NUMA1: variants seen among roughly 807,000 people sequenced by gnomAD.
NUMA1 encodes the protein SP-H antigen.
Under a neutral mutation model 237.1 loss-of-function variants are expected in NUMA1, and 62 were observed. That is an observed-to-expected ratio of 0.26 (90% confidence interval 0.21 to 0.32). The LOEUF (loss-of-function observed/expected upper bound fraction) is 0.32, where lower values mean the gene tolerates loss of function less well. Among genes scored for constraint, NUMA1 ranks in the 10% least tolerant of loss-of-function variants. The probability of loss-of-function intolerance (pLI) is 1.00; values close to 1 mark genes in which losing one functional copy is unlikely to be tolerated. For missense variants in NUMA1, 2,533 were observed against 2,666.5 expected (o/e 0.95, Z 1.10); for synonymous variants, 1,028 against 1,066.1 (o/e 0.96, Z 0.70).
chr11:72,050,427 A>T (rs76496794), intron 2 of NUMA1, among the ~76,000 whole-genome samples: 1 of 152,346 alleles, frequency 6.6e-6, no homozygotes, highest in African/African-American at 2.4e-5. Context: ...TAGCCTCAAG[A>T]ACCAACTTGT....
chr11:72,007,616 T>C, intron 20 of NUMA1, 181 bp from the exon 21 acceptor site: 1 of 719,884 alleles, frequency 1.4e-6, no homozygotes, highest in South Asian at 1.6e-5. Flanking sequence ...TTCAGTCCAC[T>C]CCCCTGGCTT....
chr11:72,079,770 CTT>C (rs1432644530), intron 1 of NUMA1, among the ~76,000 whole-genome samples: 3 of 144,842 alleles, frequency 2.1e-5, no homozygotes, highest in South Asian at 2.2e-4. Flanking sequence ...AAAAAAAAGA[CTT>C]AACCTGTTTT....
chr11:72,063,371 G>A (rs765887161), intron 2 of NUMA1, among the ~76,000 whole-genome samples: 6 of 152,064 alleles, frequency 3.9e-5, no homozygotes, highest in Non-Finnish European at 7.4e-5. Context: ...GTGACAGAGT[G>A]AGACCCTGTC....
intron 2 of NUMA1, among the ~76,000 whole-genome samples, chr11:72,055,815 T>A (rs1303474987): frequency 2.8e-5 from 4 of 143,570 alleles, no homozygotes; most frequent in Non-Finnish European, 6.1e-5. Flanking sequence ...CCCCCATCTC[T>A]CAAAAAAAAA....
At chr11:72,030,273 C>G (rs763516963) in intron 3 of NUMA1, among the ~76,000 whole-genome samples, 2 of 149,444 alleles carry the variant, frequency 1.3e-5, no homozygotes, top group African/African-American at 4.9e-5. Context: ...GAGGTCGAGG[C>G]TGCAGTGAGC....
chr11:72,008,063 A>C (rs1396658582), intron 20 of NUMA1: 1 of 470,690 alleles, frequency 2.1e-6, no homozygotes, highest in Non-Finnish European at 4.2e-6. Context: ...CCCCAGATTC[A>C]TCTGTTAAAG....
intron 2 of NUMA1, among the ~76,000 whole-genome samples, chr11:72,054,455 CA>C (rs1173042500): frequency 7.0e-6 from 1 of 142,896 alleles, no homozygotes; most frequent in Non-Finnish European, 1.5e-5. Flanking sequence ...GAAACAAGAG[CA>C]AAACTCCATC....
intron 3 of NUMA1, 150 bp downstream of exon 3, chr11:72,035,752 G>A (rs1940950342): frequency 2.7e-6 from 2 of 731,580 alleles, no homozygotes; most frequent in Non-Finnish European, 4.7e-6. Flanking sequence ...CAGAGCAGAT[G>A]AAAATGCATT....
At chr11:72,072,434 A>C (rs1276027127) in intron 1 of NUMA1, 2 of 154,508 alleles carry the variant, frequency 1.3e-5, no homozygotes, top group African/African-American at 4.8e-5. Flanking sequence ...CCTCAGCTGC[A>C]ATAAGGCAGA....
chr11:72,007,139 G>A lies in NUMA1; in HGVS notation c.5463+50C>T, dbSNP rs767006715. Reference sequence around the variant, plus strand: ...GAGTGCCCAGTGCAAAGATGCCCTTGAGAGGAAGTGGGAATTGCTGCCCTG... The same window carrying A: ...GAGTGCCCAGTGCAAAGATGCCCTTAAGAGGAAGTGGGAATTGCTGCCCTG... On this transcript the variant is annotated intron_variant, in intron 21 of 26. Transcript: ENST00000393695. 8 of 1,593,972 alleles carry A rather than the reference G, an allele frequency of 5.0e-6. No homozygotes were observed. The South Asian group carries it at 8.9e-5, about 18-fold the overall frequency.
intron 1 of NUMA1, among the ~76,000 whole-genome samples, chr11:72,077,414 T>C (rs370451417): frequency 6.6e-6 from 1 of 152,182 alleles, no homozygotes; most frequent in Non-Finnish European, 1.5e-5. Flanking sequence ...TTTGCAAGCA[T>C]AGTTCTCAAG....
In NUMA1 at chr11:72,005,242, C is replaced by T. The variant is rs774206387; in HGVS notation, c.5820G>A (p.Leu1940=). ...TGACCCCAGGCCTCACCCTGGACTC[C>T]AGGGGATAGCAGGTCTTCAGATGTG... The part of the protein sequence containing the change: ...CPPHLKTCYP[L]ESRPSLSLGT... The change falls in exon 23 of 27, where the codon CTG becomes CTA. Residue 1940 remains leucine (L), a synonymous_variant. Transcript: ENST00000393695. 6.3e-7 allele frequency: 1 copy of T among 1,598,598 alleles called. No homozygotes were observed. Among genetic ancestry groups the T allele is most frequent in the Admixed American group, 1.8e-5 (1 of 56,718 alleles).
chr11:72,023,797 T>C (rs966484381), intron 5 of NUMA1, among the ~76,000 whole-genome samples: 1 of 152,132 alleles, frequency 6.6e-6, no homozygotes, highest in South Asian at 2.1e-4. Context: ...ATATTATAGA[T>C]AGGGAACCTA....
At chr11:72,064,062 T>C (rs150047592) in intron 2 of NUMA1, among the ~76,000 whole-genome samples, 30 of 152,288 alleles carry the variant, frequency 2.0e-4, no homozygotes, top group African/African-American at 7.2e-4. Context: ...TAGAATTATT[T>C]ATCATTCTGA....
At chr11:72,071,066 A>G (rs569806349) in intron 1 of NUMA1, among the ~76,000 whole-genome samples, 1 of 152,312 alleles carries the variant, frequency 6.6e-6, no homozygotes, top group South Asian at 2.1e-4. Flanking sequence ...CAGAACCCTC[A>G]AAGTCACTTT....
At position 72,013,272 on chromosome 11, in the gene NUMA1, G is replaced by A. The variant is rs779516539; in HGVS notation, c.4231C>T (p.Pro1411Ser). The A allele has an allele frequency of 1.9e-6, 3 of 1,604,688 alleles. No individual in the cohort carries two copies. The highest frequency in any genetic ancestry group is 2.5e-6 in the Non-Finnish European group (3 of 1,179,802). ...TGCTCTGCCACCTTCTGCCGCAGAGGAATCAGCTCCCCAAGCTCCCGCTGG... is the reference window on the plus strand; with the variant it reads ...TGCTCTGCCACCTTCTGCCGCAGAGAAATCAGCTCCCCAAGCTCCCGCTGG... ...RAQRELGELI[P>S]LRQKVAEQER... is the part of the protein sequence containing the mutation. Residue 1411 changes from proline (P) to serine (S), a missense_variant, in exon 15 of 27, where the codon CCT (proline) becomes TCT (serine). Pro to Ser is a moderately conservative substitution (Grantham distance 74). Coordinates refer to ENST00000393695, the MANE Select transcript of NUMA1 (RefSeq NM_006185.4). This position sits in a 1 kb window ranked among gnomAD's most constrained non-coding sequence, Gnocchi z 6.8.
Position 72,014,404 on chromosome 11 carries a change from C to T in NUMA1, c.3099G>A (p.Arg1033=). The T allele has an allele frequency of 6.2e-7, 1 of 1,610,874 alleles. No individual in the cohort carries two copies. Among genetic ancestry groups the T allele is most frequent in the Non-Finnish European group, 8.5e-7 (1 of 1,180,036 alleles). ...GCTGCTCGTTGAGGGCGTTCTGCAG[C>T]CGCATCTCAAGCTCTGCTCTGGCCG... ...EKAARAELEM[R]LQNALNEQRV... Residue 1033 remains arginine, a synonymous_variant, in exon 15 of 27, where the codon CGG becomes CGA. Coordinates refer to ENST00000393695, the MANE Select transcript of NUMA1 (RefSeq NM_006185.4). The surrounding 1 kb of genome is among the most constrained non-coding windows in gnomAD (Gnocchi z 4.6).
In NUMA1 at chr11:72,035,928, T is replaced by G. The variant is rs1206472991; in HGVS notation, c.16A>C (p.Thr6Pro). Residue 6 changes from threonine to proline, a missense_variant, in exon 3 of 27, where the codon ACC becomes CCC. Thr to Pro is a conservative substitution (Grantham distance 38, BLOSUM62 -1). Around this residue, in one of 3 missense-constraint regions of NUMA1, gnomAD observed 1,414 missense variants for 1,508.1 expected, o/e 0.94. Coordinates refer to ENST00000393695, the MANE Select transcript of NUMA1 (RefSeq NM_006185.4). MTLHA[T>P]RGAALLSWVN... ...CAAGAGAGGAGTGCAGCCCCCCGGG[T>G]GGCGTGGAGTGTCATCTTGGTGATG... The G allele has an allele frequency of 3.1e-6, 5 of 1,613,952 alleles. No individual in the cohort carries two copies. Among genetic ancestry groups the G allele is most frequent in the Admixed American group, 3.3e-5 (2 of 59,990 alleles).
chr11:72,066,314 A>G (rs942378665), intron 2 of NUMA1: 2 of 152,194 alleles, frequency 1.3e-5, no homozygotes, highest in Non-Finnish European at 2.9e-5. Flanking sequence ...AAAAAAAAAA[A>G]AAGAATAGAC....
Sources: allele counts gnomAD v4.1 joint callset (sites outside exome capture counted in the v4.1 genomes callset), GRCh38; gene constraint gnomAD v4.1.1; regional missense constraint gnomAD v4.1.1; non-coding constraint Gnocchi (gnomAD v3.1); transcripts MANE v1.5; gene names NCBI Gene and HGNC (gene_info 2026-07-23, HGNC 2026-07-21).